Variants in NOLC1 observed in about 807,000 individuals in gnomAD.
The protein encoded by NOLC1 is nucleolar and coiled-body phosphoprotein 1, also known as 140 kDa nucleolar phosphoprotein.
In NOLC1, 37 loss-of-function variants were observed where a neutral mutation model predicts 73.4. The observed-to-expected ratio is 0.50, with a 90% CI of 0.39 to 0.66. NOLC1 has a LOEUF of 0.66. Among genes scored for constraint, NOLC1 ranks in the 30% least tolerant of loss-of-function variants. NOLC1 has a pLI of 0.00. For synonymous variants in NOLC1, 327 were observed against 302.6 expected (o/e 1.08, Z -0.84); for missense variants, 921 against 838.9 (o/e 1.10, Z -1.21).
At chr10:102,161,387 T>C (rs572544690) in intron 10 of NOLC1, among the ~76,000 whole-genome samples, 169 bp from the exon 11 acceptor site, 2 of 152,212 alleles carry the variant, frequency 1.3e-5, no homozygotes, top group African/African-American at 4.8e-5. Context: ...TGCACCACCA[T>C]GTCTGGCTCA....
Position 102,159,969 on chromosome 10 carries a change from G to A in NOLC1, c.933G>A (p.Lys311=). 2 of 1,611,642 alleles carry A rather than the reference G, an allele frequency of 1.2e-6. No homozygotes were observed. Among genetic ancestry groups the A allele is most frequent in the Non-Finnish European group, 1.7e-6 (2 of 1,178,924 alleles). ...CTCTGGGAACCCAGCCTCCCAAGAA[G>A]GCTGTGGAGAAGCAGCAGCCTGTGG... ...KKSLGTQPPK[K]AVEKQQPVES... The change falls in exon 8 of 13, where the codon AAG becomes AAA. Residue 311 remains lysine, a synonymous_variant. Transcript: ENST00000605788.
chr10:102,156,842 A>G (rs1193921572), intron 1 of NOLC1, among the ~76,000 whole-genome samples, 177 bp from the exon 2 acceptor site: 1 of 152,206 alleles, frequency 6.6e-6, no homozygotes, highest in African/African-American at 2.4e-5. Flanking sequence ...TTTTTACATC[A>G]GAAATTGGGA....
chr10:102,153,764 C>T (rs2069545730), intron 1 of NOLC1, among the ~76,000 whole-genome samples: 1 of 150,786 alleles, frequency 6.6e-6, no homozygotes, highest in Non-Finnish European at 1.5e-5. Context: ...CCTCCGCCTC[C>T]CAAGTTCAAG....
In NOLC1 at chr10:102,159,565, C is replaced by T; in HGVS notation, c.856C>T (p.Pro286Ser). Residue 286 changes from proline to serine, a missense_variant, in exon 7 of 13, where the codon CCA (proline) becomes TCA (serine). Physicochemically the swap from Pro to Ser is moderately conservative, Grantham distance 74. Coordinates refer to ENST00000605788, the MANE Select transcript of NOLC1 (RefSeq NM_004741.5). ...EEQKKPMKNK[P>S]GPYSSVPPPS... The stretch of plus-strand genomic sequence containing the variant: ...GCAAAAAAAACCCATGAAAAATAAA[C>T]CAGGTGACTGGACATGGGGAGCGAA... 1 of 1,613,792 alleles carries T rather than the reference C, an allele frequency of 6.2e-7. No individual in the cohort carries two copies. Among genetic ancestry groups the T allele is most frequent in the South Asian group, 1.1e-5 (1 of 91,054 alleles).
chr10:102,157,469 G>T lies in NOLC1; in HGVS notation c.355G>T (p.Ala119Ser), dbSNP rs772859756. 1 of 1,614,198 alleles carries T rather than the reference G, an allele frequency of 6.2e-7. No homozygotes were observed. Among genetic ancestry groups the T allele is most frequent in the South Asian group, 1.1e-5 (1 of 91,084 alleles). Reference protein sequence around the residue: ...AKRVGLPPGKAAAKASESSSS... With the variant: ...AKRVGLPPGKSAAKASESSSS... Reference sequence around the variant, plus strand: ...GCGAGTCGGTCTGCCTCCTGGGAAGGCTGCAGCCAAAGCATCAGAGAGTAG... The same window carrying T: ...GCGAGTCGGTCTGCCTCCTGGGAAGTCTGCAGCCAAAGCATCAGAGAGTAG... The change falls in exon 4 of 13, where the codon GCT becomes TCT. Residue 119 changes from alanine to serine, a missense_variant. By Grantham distance (99) the Ala-to-Ser change is moderately conservative. Transcript: ENST00000605788.
At chr10:102,159,636 C>G in intron 7 of NOLC1, 68 bp downstream of exon 7, 1 of 1,511,626 alleles carries the variant, frequency 6.6e-7, no homozygotes, top group South Asian at 1.2e-5. Flanking sequence ...CCACATGGAC[C>G]TCTCCATAGA....
chr10:102,160,148 C>G, intron 8 of NOLC1, 85 bp from the exon 9 acceptor site: 1 of 1,592,590 alleles, frequency 6.3e-7, no homozygotes, highest in South Asian at 1.1e-5. Context: ...AGCTAAGGCT[C>G]TGTGCGTGTC....
rs1416457681 is a variant in NOLC1, at chr10:102,156,113, TA to T, written c.121-905del. On this transcript the variant is annotated intron_variant, in intron 1 of 12. Coordinates refer to ENST00000605788, the MANE Select transcript of NOLC1 (RefSeq NM_004741.5). ...CCTTGGCCTCCCAGAGTGTTGGGATTATAGGCGTGAGCCACTGCATCCCGCC... is the reference window on the plus strand; with the variant it reads ...CCTTGGCCTCCCAGAGTGTTGGGATTTAGGCGTGAGCCACTGCATCCCGCC... Among the ~76,000 whole-genome samples, 7 of 152,182 alleles carry T rather than the reference TA, an allele frequency of 4.6e-5. No individual in the cohort carries two copies. In the South Asian group the frequency reaches 6.2e-4, roughly 14 times the overall value.
intron 2 of NOLC1, 45 bp downstream of exon 2, chr10:102,157,119 A>AG: frequency 1.2e-6 from 2 of 1,614,016 alleles, no homozygotes; most frequent in Admixed American, 3.3e-5. Flanking sequence ...CCCCCAAGAT[A>AG]GGCTGGGCTG....
intron 5 of NOLC1, among the ~76,000 whole-genome samples, chr10:102,158,750 G>A (rs2069645228): frequency 6.6e-6 from 1 of 152,074 alleles, no homozygotes; most frequent in Non-Finnish European, 1.5e-5. Flanking sequence ...CTTTGATGTG[G>A]TAAACCATGG....
Position 102,160,215 on chromosome 10 carries a change from G to A in NOLC1, c.989-18G>A. On this transcript the variant is annotated intron_variant, in intron 8 of 12. Transcript: ENST00000605788. ...GTTGGGACTCTGGACCCAGCATAAT[G>A]CTACAGGTTCTCCTCAGATTCAAGT... 6.2e-7 allele frequency: 1 copy of A among 1,610,586 alleles called. No individual in the cohort carries two copies. The highest frequency in any genetic ancestry group is 1.3e-5 in the African/African-American group (1 of 74,920).
At chr10:102,158,593 TC>T (rs2069641799) in intron 5 of NOLC1, among the ~76,000 whole-genome samples, 1 of 152,236 alleles carries the variant, frequency 6.6e-6, no homozygotes. Context: ...TGAGAATTTT[TC>T]TTTTTTTCTG....
intron 1 of NOLC1, among the ~76,000 whole-genome samples, chr10:102,155,493 C>T (rs1367648739): frequency 6.7e-6 from 1 of 149,526 alleles, no homozygotes; most frequent in Admixed American, 6.7e-5. Context: ...AAAGTGTTAG[C>T]GTACCTGCGC....
intron 1 of NOLC1, among the ~76,000 whole-genome samples, chr10:102,153,993 T>C (rs1366149621): frequency 6.6e-6 from 1 of 150,570 alleles, no homozygotes. Context: ...GATTCTGAAA[T>C]GGTTTTATGT....
At chr10:102,159,817 G>T in intron 7 of NOLC1, 79 bp from the exon 8 acceptor site, 1 of 1,380,440 alleles carries the variant, frequency 7.2e-7, no homozygotes, top group Non-Finnish European at 9.7e-7. Flanking sequence ...GGGGAATTAA[G>T]CTTCATTTCT....
intron 5 of NOLC1, among the ~76,000 whole-genome samples, 161 bp from the exon 6 acceptor site, chr10:102,159,032 C>G (rs947058172): frequency 1.2e-4 from 16 of 135,312 alleles, no homozygotes; most frequent in Non-Finnish European, 1.5e-5. Context: ...GCACACTAGC[C>G]TGTGCAACAG....
In NOLC1 at chr10:102,160,284, AAGC is replaced by A. The variant is rs769282904; in HGVS notation, c.1042_1044del (p.Ala348del). Reference sequence around the variant, plus strand: ...CCCCCAACTAAGGCAGTAGTCTCTAAAGCAACCACTAAACCACCTCCAGCAAAG... The same window carrying A: ...CCCCCAACTAAGGCAGTAGTCTCTAAAACCACTAAACCACCTCCAGCAAAG... On this transcript the variant is annotated inframe_deletion, in exon 9 of 13. Coordinates refer to ENST00000605788, the MANE Select transcript of NOLC1 (RefSeq NM_004741.5). 9 of 1,614,170 alleles carry A rather than the reference AAGC, an allele frequency of 5.6e-6. No individual in the cohort carries two copies. In the South Asian group the frequency reaches 9.9e-5, roughly 18 times the overall value.
Position 102,162,436 on chromosome 10 carries a change from T to C in NOLC1, c.*167T>C, listed in dbSNP as rs1312768558. The C allele has an allele frequency of 8.6e-6, 5 of 578,324 alleles. No homozygotes were observed. Among genetic ancestry groups the C allele is most frequent in the Non-Finnish European group, 1.1e-5 (4 of 353,288 alleles). The allele number at this position is 578,324 out of a possible 1,614,324, so 35.8% of individuals were successfully genotyped here. A position where few individuals can be genotyped will look rare whatever the true frequency, so the allele number is the denominator to read the frequency against. ...ACATCCTCTCTGGTCCTTTTCTGTG[T>C]TCCTAGTTTTGTACAGACTTGTTTT... On this transcript the variant is annotated 3_prime_UTR_variant, in exon 13 of 13. Coordinates refer to ENST00000605788, the MANE Select transcript of NOLC1 (RefSeq NM_004741.5).
chr10:102,154,739 G>C (rs2133751673), intron 1 of NOLC1, among the ~76,000 whole-genome samples: 1 of 152,198 alleles, frequency 6.6e-6, no homozygotes, highest in African/African-American at 2.4e-5. Flanking sequence ...ATACCAGCCA[G>C]GCTGGTCTCA....
Sources: allele counts gnomAD v4.1 joint callset (sites outside exome capture counted in the v4.1 genomes callset), GRCh38; gene constraint gnomAD v4.1.1; transcripts MANE v1.5; gene names NCBI Gene and HGNC (gene_info 2026-07-23, HGNC 2026-07-21).